Variants in DCC observed in about 807,000 individuals in gnomAD.
DCC encodes the protein DCC netrin 1 receptor, also known as netrin receptor DCC.
DCC carries 58 observed loss-of-function variants against 172.5 expected under a neutral mutation model. That is an observed-to-expected ratio of 0.34 (90% CI 0.27 to 0.42). DCC has a LOEUF of 0.42. Among genes scored for constraint, DCC ranks in the 10% least tolerant of loss-of-function variants. The probability of loss-of-function intolerance (pLI) is 1.00; values close to 1 mark genes in which losing one functional copy is unlikely to be tolerated. For missense variants in DCC, 1,740 were observed against 1,791.0 expected (o/e 0.97, Z 0.51); for synonymous variants, 709 against 644.5 (o/e 1.10, Z -1.52).
intron 21 of DCC, among the ~76,000 whole-genome samples, chr18:53,419,671 T>A (rs1006249892): frequency 6.6e-6 from 1 of 152,134 alleles, no homozygotes; most frequent in African/African-American, 2.4e-5. Flanking sequence ...CAGGAGTGAC[T>A]CACTTAATTC....
intron 5 of DCC, among the ~76,000 whole-genome samples, chr18:53,014,742 A>C (rs1025525961): frequency 6.6e-6 from 1 of 152,010 alleles, no homozygotes; most frequent in Non-Finnish European, 1.5e-5. Context: ...CATTGGTTTT[A>C]AGTTTGGAAT....
At chr18:53,436,158 G>A (rs1258151072) in intron 22 of DCC, among the ~76,000 whole-genome samples, 1 of 152,100 alleles carries the variant, frequency 6.6e-6, no homozygotes, top group African/African-American at 2.4e-5. Flanking sequence ...TACTACGTAT[G>A]TATACGTATC....
At chr18:52,659,827 C>A (rs1229719798) in intron 1 of DCC, among the ~76,000 whole-genome samples, 2 of 152,028 alleles carry the variant, frequency 1.3e-5, no homozygotes, top group East Asian at 1.9e-4. Flanking sequence ...ACGTTCATTG[C>A]AACCACCGTG....
At chr18:53,490,145 A>T (rs977725474) in intron 26 of DCC, among the ~76,000 whole-genome samples, 1 of 152,180 alleles carries the variant, frequency 6.6e-6, no homozygotes, top group Non-Finnish European at 1.5e-5. Flanking sequence ...CAAATGGGAA[A>T]TCAACTAATA....
chr18:52,640,679 G>A (rs2034873412), intron 1 of DCC, among the ~76,000 whole-genome samples: 1 of 151,436 alleles, frequency 6.6e-6, no homozygotes, highest in African/African-American at 2.4e-5. Flanking sequence ...ACCTCTACAA[G>A]GAAAACTACA....
At chr18:52,508,106 A>T (rs1318800013) in intron 1 of DCC, among the ~76,000 whole-genome samples, 1 of 152,064 alleles carries the variant, frequency 6.6e-6, no homozygotes, top group Non-Finnish European at 1.5e-5. Context: ...TCTCAAAAAA[A>T]AAAAATTATT....
At chr18:53,090,797 A>G (rs2144178723) in intron 7 of DCC, among the ~76,000 whole-genome samples, 1 of 149,800 alleles carries the variant, frequency 6.7e-6, no homozygotes, top group South Asian at 2.1e-4. Flanking sequence ...TACAAAGCTT[A>G]ATAATTTTTC....
intron 1 of DCC, among the ~76,000 whole-genome samples, chr18:52,362,494 T>G (rs750772144): frequency 2.6e-5 from 4 of 152,238 alleles, no homozygotes; most frequent in Admixed American, 6.5e-5. Context: ...TCAAGTAATC[T>G]TTCATAAGTT....
chr18:53,394,871 G>A (rs897565529), intron 17 of DCC, among the ~76,000 whole-genome samples: 1 of 152,160 alleles, frequency 6.6e-6, no homozygotes, highest in African/African-American at 2.4e-5. Context: ...GCTGGGCTCA[G>A]TGGTTCACAT....
chr18:52,716,444 G>A (rs1232507288), intron 1 of DCC, among the ~76,000 whole-genome samples: 4 of 152,196 alleles, frequency 2.6e-5, no homozygotes, highest in Admixed American at 2.0e-4. Flanking sequence ...AGACATAAAG[G>A]GATGTGACTG....
At chr18:53,201,169 T>A (rs892372347) in intron 9 of DCC, among the ~76,000 whole-genome samples, 9 of 152,170 alleles carry the variant, frequency 5.9e-5, no homozygotes, top group Non-Finnish European at 1.3e-4. Flanking sequence ...GGAGTGGTTC[T>A]GTTTGGGAAA....
Position 53,420,341 on chromosome 18 carries a change from C to T in DCC, c.3163+4185C>T, listed in dbSNP as rs921912312. On this transcript the variant is annotated intron_variant, in intron 21 of 28. Coordinates refer to ENST00000442544, the MANE Select transcript of DCC (RefSeq NM_005215.4). ...TCTAAAGAACAAGGGAAATAACTCTCAATCTGAGGTCATCTTGTTAGTGGG... is the reference window on the plus strand; with the variant it reads ...TCTAAAGAACAAGGGAAATAACTCTTAATCTGAGGTCATCTTGTTAGTGGG... Among the ~76,000 whole-genome samples, 7 of 152,306 alleles carry T rather than the reference C, an allele frequency of 4.6e-5. No homozygotes were observed. In the East Asian group the frequency reaches 1.3e-3, roughly 29 times the overall value.
chr18:53,447,390 A>G (rs1912681203), intron 22 of DCC, among the ~76,000 whole-genome samples: 1 of 152,174 alleles, frequency 6.6e-6, no homozygotes, highest in Admixed American at 6.5e-5. Context: ...AGGAAGTCAT[A>G]AAGGCCTGCA....
chr18:52,346,651 T>C (rs1375237868), intron 1 of DCC, among the ~76,000 whole-genome samples: 1 of 152,188 alleles, frequency 6.6e-6, no homozygotes, highest in Non-Finnish European at 1.5e-5. Context: ...TGCATATTGC[T>C]CTTTTATTAA....
At chr18:52,575,681 A>G (rs982961768) in intron 1 of DCC, among the ~76,000 whole-genome samples, 2 of 152,146 alleles carry the variant, frequency 1.3e-5, no homozygotes, top group Non-Finnish European at 1.5e-5. Context: ...AGTGCCTTTG[A>G]AAAAGGAAGG....
At chr18:53,215,223 T>C (rs2055827915) in intron 11 of DCC, among the ~76,000 whole-genome samples, 1 of 152,150 alleles carries the variant, frequency 6.6e-6, no homozygotes, top group African/African-American at 2.4e-5. Context: ...CTGTGTGTTT[T>C]TATTGGTTTC....
chr18:53,306,847 A>G (rs1466868743), intron 13 of DCC, among the ~76,000 whole-genome samples: 1 of 152,066 alleles, frequency 6.6e-6, no homozygotes, highest in Non-Finnish European at 1.5e-5. Context: ...AGCTGGGTAG[A>G]TGAAGTTGAG....
chr18:52,342,812 G>T (rs1433161144), intron 1 of DCC, among the ~76,000 whole-genome samples: 3 of 152,222 alleles, frequency 2.0e-5, no homozygotes, highest in African/African-American at 4.8e-5. Context: ...GGCATAGGGT[G>T]GGGGTAGATT....
chr18:52,935,012 A>C (rs2040361126), intron 5 of DCC: 1 of 152,180 alleles, frequency 6.6e-6, no homozygotes, highest in African/African-American at 2.4e-5. Flanking sequence ...ACTACAGAAA[A>C]GGTAGATGCT....
Sources: allele counts gnomAD v4.1 joint callset (sites outside exome capture counted in the v4.1 genomes callset), GRCh38; gene constraint gnomAD v4.1.1; transcripts MANE v1.5; gene names NCBI Gene and HGNC (gene_info 2026-07-23, HGNC 2026-07-21).